The following RECQL variants were observed in gnomAD, a reference collection of about 807,000 sequenced individuals.
RECQL encodes ATP-dependent DNA helicase Q1.
A neutral mutation model predicts 75.8 loss-of-function variants in RECQL; 73 were observed. The observed-to-expected ratio is 0.96, with a 90% CI of 0.80 to 1.17. RECQL has a LOEUF of 1.17. Among genes scored for constraint, RECQL ranks in the 50% most tolerant of loss-of-function variants. The pLI is 0.00. For synonymous variants in RECQL, 248 were observed against 254.4 expected, an observed-to-expected ratio of 0.97 and a Z score of 0.24; for missense variants, 699 against 772.1, an observed-to-expected ratio of 0.91 and a Z score of 1.12.
chr12:21,483,411 T>G lies in RECQL; in HGVS notation c.665A>C (p.His222Pro). 1 of 1,605,606 alleles carries G rather than the reference T, an allele frequency of 6.2e-7. No individual in the cohort carries two copies. The highest frequency in any genetic ancestry group is 8.5e-7 in the Non-Finnish European group (1 of 1,177,642). Residue 222 changes from histidine to proline, a missense_variant, in exon 6 of 15, where the codon CAC becomes CCC. Around this residue, in one of 2 missense-constraint regions of RECQL, gnomAD observed 669 missense variants for 713.5 expected, o/e 0.94. Transcript: ENST00000444129. ...ATCATGTCCCCACTGACTACAGCAG[T>G]GAACTTCATCCACAGCAATTCGAGT... is the stretch of plus-strand genomic sequence containing the variant. ...RFTRIAVDEV[H>P]CCSQWGHDFR...
rs1398032512 is a variant in RECQL at position 21,476,806 on chromosome 12, A to C, written c.949+105T>G. 3 of 566,254 alleles carry C rather than the reference A, an allele frequency of 5.3e-6. No homozygotes were observed. In the African/African-American group the frequency reaches 5.9e-5, roughly 11 times the overall value. 35.1% of individuals were successfully genotyped at this position (566,254 alleles called of 1,614,324 possible). Reference sequence around the variant, plus strand: ...TTTCAAGTATCTTCTGCTATACATTAATTTTTTTTGGTGTTATTCAGTTAT... The same window carrying C: ...TTTCAAGTATCTTCTGCTATACATTCATTTTTTTTGGTGTTATTCAGTTAT... On this transcript the variant is annotated intron_variant, in intron 8 of 14. Coordinates refer to ENST00000444129, the MANE Select transcript of RECQL (RefSeq NM_002907.4).
intron 13 of RECQL, 53 bp from the exon 14 acceptor site, chr12:21,471,151 A>C: frequency 6.7e-7 from 1 of 1,497,404 alleles, no homozygotes; most frequent in Non-Finnish European, 8.9e-7. Context: ...ATCACGGAAA[A>C]CAAATTTATA....
rs377658330 is a variant in RECQL, at chr12:21,471,547, A to G, written c.1548T>C (p.Ile516=). Residue 516 remains isoleucine, a synonymous_variant, in exon 13 of 15, where the codon ATT becomes ATC. Coordinates refer to ENST00000444129, the MANE Select transcript of RECQL (RefSeq NM_002907.4). ...LNEKLTPLKL[I]DSWMGKGAAK... is the part of the protein sequence containing the mutation. ...CTGCACCCTTTCCCATCCAAGAATCAATCAGTTTCAATGGAGTGAGTTTTT... is the reference window on the plus strand; with the variant it reads ...CTGCACCCTTTCCCATCCAAGAATCGATCAGTTTCAATGGAGTGAGTTTTT... The G allele has an allele frequency of 3.1e-6, 5 of 1,612,550 alleles. No homozygotes were observed. The highest frequency in any genetic ancestry group is 1.1e-5 in the South Asian group (1 of 90,870).
At position 21,471,327 on chromosome 12, in the gene RECQL, A is replaced by G; in HGVS notation, c.1667+101T>C. 11 of 1,127,222 alleles carry G rather than the reference A, an allele frequency of 9.8e-6. No homozygotes were observed. In the South Asian group the frequency reaches 1.6e-4, roughly 17 times the overall value. The allele number at this position is 1,127,222 out of a possible 1,614,324, so 69.8% of individuals were successfully genotyped here. A position where few individuals can be genotyped will look rare whatever the true frequency, so the allele number is the denominator to read the frequency against. On this transcript the variant is annotated intron_variant, in intron 13 of 14. Transcript: ENST00000444129. ...GTAAATTACTTTCTATAGCATTTAAAAGTTCACACAAAATAACTGCAAAAC... is the reference window on the plus strand; with the variant it reads ...GTAAATTACTTTCTATAGCATTTAAGAGTTCACACAAAATAACTGCAAAAC...
chr12:21,494,302 C>T (rs1373101102), intron 2 of RECQL, among the ~76,000 whole-genome samples: 1 of 152,178 alleles, frequency 6.6e-6, no homozygotes, highest in African/African-American at 2.4e-5. Flanking sequence ...CTGGAGGTCA[C>T]ATTTCAACAT....
intron 8 of RECQL, 114 bp from the exon 9 acceptor site, chr12:21,475,938 T>C: frequency 1.2e-6 from 1 of 867,782 alleles, no homozygotes; most frequent in Non-Finnish European, 1.7e-6. Context: ...AAAAAAAGAA[T>C]TATGAAAAAT....
intron 5 of RECQL, 55 bp downstream of exon 5, chr12:21,486,424 G>C: frequency 6.6e-7 from 1 of 1,504,048 alleles, no homozygotes; most frequent in Non-Finnish European, 8.9e-7. Flanking sequence ...TGCAGGTAAA[G>C]CTCCTATTTC....
chr12:21,482,487 A>G (rs1943209975), intron 6 of RECQL, among the ~76,000 whole-genome samples: 1 of 152,188 alleles, frequency 6.6e-6, no homozygotes, highest in Non-Finnish European at 1.5e-5. Flanking sequence ...GAATGGAGTT[A>G]TGCAATTTTT....
chr12:21,500,422 A>T (rs1402665196), intron 1 of RECQL, among the ~76,000 whole-genome samples: 1 of 152,218 alleles, frequency 6.6e-6, no homozygotes, highest in Non-Finnish European at 1.5e-5. Flanking sequence ...TCTAAAACTA[A>T]GATGCTCTCC....
At position 21,471,526 on chromosome 12, in the gene RECQL, A is replaced by G. The variant is rs1001852793; in HGVS notation, c.1569T>C (p.Gly523=). 1.1e-5 allele frequency: 17 copies of G among 1,612,294 alleles called. No individual in the cohort carries two copies. Among genetic ancestry groups the G allele is most frequent in the Non-Finnish European group, 1.3e-5 (15 of 1,179,196 alleles). ...LKLIDSWMGK[G]AAKLRVAGVV... ...CACCTGCTACTCTCAGTTTTGCTGCACCCTTTCCCATCCAAGAATCAATCA... is the reference window on the plus strand; with the variant it reads ...CACCTGCTACTCTCAGTTTTGCTGCGCCCTTTCCCATCCAAGAATCAATCA... Residue 523 remains glycine (G), a synonymous_variant, in exon 13 of 15, where the codon GGT becomes GGC. Coordinates refer to ENST00000444129, the MANE Select transcript of RECQL (RefSeq NM_002907.4).
At chr12:21,495,566 G>T (rs11831978) in intron 2 of RECQL, among the ~76,000 whole-genome samples, 1 of 152,024 alleles carries the variant, frequency 6.6e-6, no homozygotes, top group Non-Finnish European at 1.5e-5. Context: ...CTGTACTCCA[G>T]CCTGGGTGAC....
chr12:21,498,477 C>T (rs1464158584), intron 2 of RECQL, among the ~76,000 whole-genome samples: 3 of 152,090 alleles, frequency 2.0e-5, no homozygotes, highest in African/African-American at 7.2e-5. Context: ...AATGCTTGTA[C>T]CAGGGGAAAA....
chr12:21,485,456 G>T (rs1473335051), intron 5 of RECQL, among the ~76,000 whole-genome samples: 1 of 151,722 alleles, frequency 6.6e-6, no homozygotes, highest in Non-Finnish European at 1.5e-5. Flanking sequence ...CAAAGAATTT[G>T]CATGGGAAAT....
At chr12:21,470,730 G>A (rs3983529) in intron 14 of RECQL, 11 of 338,938 alleles carry the variant, frequency 3.2e-5, no homozygotes, top group Non-Finnish European at 3.6e-5. Context: ...ATATTCAAAC[G>A]GAGTCCTCCC....
At chr12:21,493,960 C>T (rs757259721) in intron 2 of RECQL, among the ~76,000 whole-genome samples, 4 of 152,142 alleles carry the variant, frequency 2.6e-5, no homozygotes, top group Non-Finnish European at 4.4e-5. Flanking sequence ...GATATAAAGG[C>T]GTATCCGAGG....
At chr12:21,475,226 T>C (rs185829315) in intron 10 of RECQL, among the ~76,000 whole-genome samples, 29 of 152,062 alleles carry the variant, frequency 1.9e-4, no homozygotes, top group African/African-American at 6.7e-4. Flanking sequence ...AATCACTAAT[T>C]AAAAATTCAG....
chr12:21,471,221 C>A (rs1229333510), intron 13 of RECQL, 123 bp from the exon 14 acceptor site: 2 of 1,103,614 alleles, frequency 1.8e-6, no homozygotes, highest in African/African-American at 1.6e-5. Flanking sequence ...ATAAAATTTA[C>A]AAGAATGCAA....
In RECQL at chr12:21,469,861, A is replaced by AAGAT. The variant is rs1409900289; in HGVS notation, c.*329_*332dup. On this transcript the variant is annotated 3_prime_UTR_variant, in exon 15 of 15. Coordinates refer to ENST00000444129, the MANE Select transcript of RECQL (RefSeq NM_002907.4). ...CTGTCAGTATAATATTGCTTTCAAA[A>AAGAT]AGATAGTTATGTCAAAAGAAAAAAT... The AAGAT allele has an allele frequency of 2.8e-4, 55 of 193,130 alleles. No homozygotes were observed. The highest frequency in any genetic ancestry group is 1.2e-3 in the African/African-American group (49 of 41,992). 12.0% of individuals were successfully genotyped at this position (193,130 alleles called of 1,614,324 possible).
At chr12:21,497,321 G>GA (rs905504516) in intron 2 of RECQL, among the ~76,000 whole-genome samples, 9 of 150,486 alleles carry the variant, frequency 6.0e-5, no homozygotes, top group East Asian at 5.8e-4. Context: ...GTTACTAAGG[G>GA]AAAAAAAAAT....
Sources: gnomAD v4.1 joint callset for allele counts (sites outside exome capture counted in the v4.1 genomes callset) on GRCh38, gnomAD v4.1.1 for gene constraint, gnomAD v4.1.1 regional missense constraint, MANE v1.5 for transcripts, NCBI Gene and HGNC (gene_info 2026-07-23, HGNC 2026-07-21) for gene names.